The following RAB19 variants were observed in gnomAD, a reference collection of about 807,000 sequenced individuals.
The protein encoded by RAB19 is ras-related protein Rab-19.
A neutral mutation model predicts 17.3 loss-of-function variants in RAB19; 21 were observed. That is an observed-to-expected ratio of 1.21 (90% CI 0.86 to 1.74). The LOEUF (loss-of-function observed/expected upper bound fraction) is 1.74. RAB19 is among the 40% of genes most tolerant of loss of function. The pLI is 0.00. For synonymous variants in RAB19, 126 were observed against 110.4 expected, an observed-to-expected ratio of 1.14 and a Z score of -0.88; for missense variants, 277 against 286.8, an observed-to-expected ratio of 0.97 and a Z score of 0.25.
intron 1 of RAB19, among the ~76,000 whole-genome samples, chr7:140,404,796 A>G (rs1385835914): frequency 6.6e-6 from 1 of 152,202 alleles, no homozygotes; most frequent in Non-Finnish European, 1.5e-5. Context: ...ACTCTCAGGA[A>G]GAACAGTTAA....
rs984109141 is a variant in RAB19, at chr7:140,427,946, A to G, written c.*1796A>G. 6.6e-6 allele frequency among the ~76,000 whole-genome samples: 1 copy of G among 152,110 alleles called. No individual in the cohort carries two copies. The highest frequency in any genetic ancestry group is 2.4e-5 in the African/African-American group (1 of 41,404). ...AGATCAGAAGTCATTTTTAAATTAA[A>G]ATTAAATTGGTTCATAGATGAATAT... On this transcript the variant is annotated 3_prime_UTR_variant, in exon 4 of 4. Transcript: ENST00000537763.
intron 1 of RAB19, 24 bp from the exon 2 acceptor site, chr7:140,407,600 C>T: frequency 6.3e-7 from 1 of 1,583,656 alleles, no homozygotes; most frequent in Non-Finnish European, 8.7e-7. Flanking sequence ...GTTCCTGGTG[C>T]TGAATTCCAT....
chr7:140,424,667 A>G lies in RAB19; in HGVS notation c.386-1215A>G, dbSNP rs1320628924. 3.6e-4 allele frequency among the ~76,000 whole-genome samples: 36 copies of G among 99,210 alleles called. No individual in the cohort carries two copies. The East Asian group carries it at 5.9e-3, about 16-fold the overall frequency. 65.1% of individuals were successfully genotyped at this position (99,210 alleles called of 152,430 possible). On this transcript the variant is annotated intron_variant, in intron 3 of 3. Transcript: ENST00000537763. ...TGTGTGTGTATATATGTGTGTGTAT[A>G]TATATATATATATATACACATATCT...
At chr7:140,411,097 G>A (rs752293132) in intron 2 of RAB19, 21 of 1,367,390 alleles carry the variant, frequency 1.5e-5, no homozygotes, top group Admixed American at 3.8e-5. Context: ...AAGACCCCAG[G>A]ATAAAATAGG....
At chr7:140,410,865 CTG>C (rs1173447448) in intron 2 of RAB19, 2 of 1,243,166 alleles carry the variant, frequency 1.6e-6, no homozygotes, top group Admixed American at 1.9e-5. Context: ...CCCTCAGACA[CTG>C]TGAGAGGCTG....
Position 140,407,701 on chromosome 7 carries a change from A to G in RAB19, c.55A>G (p.Lys19Glu), listed in dbSNP as rs764459628. 1.2e-6 allele frequency: 2 copies of G among 1,614,104 alleles called. No individual in the cohort carries two copies. The highest frequency in any genetic ancestry group is 1.7e-6 in the Non-Finnish European group (2 of 1,180,038). ...AGATGAGAACTTTGACTATTTGTTC[A>G]AGATTATCCTCATTGGGGATTCCAA... is the stretch of plus-strand genomic sequence containing the variant. Reference protein sequence around the residue: ...AADENFDYLFKIILIGDSNVG... With the variant: ...AADENFDYLFEIILIGDSNVG... The change falls in exon 2 of 4, where the codon AAG (lysine) becomes GAG (glutamate). Residue 19 changes from lysine to glutamate, a missense_variant. By Grantham distance (56) the Lys-to-Glu change is moderately conservative. Coordinates refer to ENST00000537763, the MANE Select transcript of RAB19 (RefSeq NM_001008749.3).
intron 3 of RAB19, among the ~76,000 whole-genome samples, chr7:140,425,535 G>A (rs1799648842): frequency 6.6e-6 from 1 of 151,860 alleles, no homozygotes; most frequent in Admixed American, 6.6e-5. Flanking sequence ...GACCAGCCTG[G>A]TCAATATGGC....
intron 3 of RAB19, among the ~76,000 whole-genome samples, chr7:140,414,847 A>G (rs1799426902): frequency 6.6e-6 from 1 of 152,148 alleles, no homozygotes; most frequent in African/African-American, 2.4e-5. Context: ...ATGTTGATTT[A>G]TACAGCTGTT....
intron 3 of RAB19, among the ~76,000 whole-genome samples, chr7:140,414,877 G>A (rs927599184): frequency 2.0e-5 from 3 of 152,064 alleles, no homozygotes; most frequent in Non-Finnish European, 4.4e-5. Context: ...GCTGGCTACA[G>A]GGGGCCCAGC....
intron 2 of RAB19, among the ~76,000 whole-genome samples, chr7:140,409,880 C>A (rs1799319309): frequency 6.7e-6 from 1 of 149,864 alleles, no homozygotes; most frequent in Non-Finnish European, 1.5e-5. Context: ...GTAGTCCCAG[C>A]TACTTGGGAG....
At chr7:140,406,816 G>A (rs985791810) in intron 1 of RAB19, among the ~76,000 whole-genome samples, 1 of 151,962 alleles carries the variant, frequency 6.6e-6, no homozygotes, top group African/African-American at 2.4e-5. Context: ...TCTTCCCCAA[G>A]CTGACTTACC....
intron 3 of RAB19, among the ~76,000 whole-genome samples, chr7:140,424,207 G>T (rs1799611660): frequency 6.7e-6 from 1 of 148,590 alleles, no homozygotes; most frequent in East Asian, 2.0e-4. Context: ...ACCCAGGCTG[G>T]AGTGCAATAG....
intron 3 of RAB19, among the ~76,000 whole-genome samples, chr7:140,420,420 C>CAAAA (rs560889183): frequency 4.0e-4 from 35 of 87,044 alleles, no homozygotes; most frequent in African/African-American, 5.0e-4. Context: ...GACTCCATAT[C>CAAAA]AAAAAAAAAA....
At chr7:140,424,680 T>C (rs10244251) in intron 3 of RAB19, among the ~76,000 whole-genome samples, 16,692 of 113,080 alleles carry the variant, frequency 0.15, 1,324 homozygotes, top group East Asian at 0.31. Context: ...TATATATATA[T>C]ATACACATAT....
intron 3 of RAB19, among the ~76,000 whole-genome samples, chr7:140,418,858 C>CAA (rs10649285): frequency 0.18 from 24,285 of 135,186 alleles, 2,996 homozygotes; most frequent in African/African-American, 0.35. Flanking sequence ...AACCCTGTCT[C>CAA]AAAAAAAAAA....
intron 1 of RAB19, among the ~76,000 whole-genome samples, chr7:140,406,190 G>A (rs1454945013): frequency 3.6e-5 from 5 of 138,456 alleles, no homozygotes; most frequent in Admixed American, 1.6e-4. Context: ...TTGCAGTGCA[G>A]TGAGCCAAGA....
chr7:140,412,036 A>G lies in RAB19; in HGVS notation c.364A>G (p.Asn122Asp). ...IHEIEKYGAA[N>D]VVIMLIGNKC... ...TGAGATAGAGAAATATGGAGCTGCA[A>G]ATGTGGTCATTATGCTGATTGGTAT... The change falls in exon 3 of 4, where the codon AAT (asparagine) becomes GAT (aspartate). Residue 122 changes from asparagine to aspartate, a missense_variant. Transcript: ENST00000537763. 2.5e-6 allele frequency: 4 copies of G among 1,612,768 alleles called. No individual in the cohort carries two copies. The highest frequency in any genetic ancestry group is 3.4e-6 in the Non-Finnish European group (4 of 1,180,016).
chr7:140,411,729 T>A (rs1227863931), intron 2 of RAB19, 145 bp from the exon 3 acceptor site: 24 of 1,515,862 alleles, frequency 1.6e-5, no homozygotes, highest in Non-Finnish European at 1.9e-5. Context: ...AAAGAATAGA[T>A]CCCTGGGTCC....
chr7:140,424,617 C>CTATATATA (rs1278451067), intron 3 of RAB19, among the ~76,000 whole-genome samples: 1 of 73,096 alleles, frequency 1.4e-5, no homozygotes, highest in Non-Finnish European at 3.0e-5. Flanking sequence ...CTCTCTCTCT[C>CTATATATA]TCTATATATA....
Sources: gnomAD v4.1 joint callset for allele counts (sites outside exome capture counted in the v4.1 genomes callset) on GRCh38, gnomAD v4.1.1 for gene constraint, MANE v1.5 for transcripts, NCBI Gene and HGNC (gene_info 2026-07-23, HGNC 2026-07-21) for gene names.